KIF7: variants seen among roughly 807,000 people sequenced by gnomAD.
KIF7 encodes kinesin-like protein KIF7.
Under a neutral mutation model 135.7 loss-of-function variants are expected in KIF7, and 104 were observed. That is an observed-to-expected ratio of 0.77 (90% CI 0.65 to 0.90). The LOEUF (loss-of-function observed/expected upper bound fraction) is 0.90. KIF7 is among the 40% of genes least tolerant of loss of function. The pLI is 0.00. For synonymous variants in KIF7, 883 were observed against 809.4 expected (o/e 1.09, Z -1.54); for missense variants, 2,005 against 1,839.1 (o/e 1.09, Z -1.65).
At chr15:89,626,458 CTG>C (rs534135024), downstream of KIF7, among the ~76,000 whole-genome samples, 186 of 152,288 alleles carry the variant, frequency 1.2e-3, 1 homozygote, top group Admixed American at 9.1e-3. Context: ...ACAGTACTGA[CTG>C]TAGTTATAAT....
Position 89,628,056 on chromosome 15 carries a change from T to G in KIF7, c.*363A>C. ...AGTTTCCCCTATATACATAAGACCATTTAAACCACAACCTGGTTACCACCG... is the reference window on the plus strand; with the variant it reads ...AGTTTCCCCTATATACATAAGACCAGTTAAACCACAACCTGGTTACCACCG... On this transcript the variant is annotated 3_prime_UTR_variant, in exon 19 of 19. Coordinates refer to ENST00000394412, the MANE Select transcript of KIF7 (RefSeq NM_198525.3). 3 of 211,476 alleles carry G rather than the reference T, an allele frequency of 1.4e-5. No individual in the cohort carries two copies. Among genetic ancestry groups the G allele is most frequent in the Non-Finnish European group, 2.8e-5 (3 of 106,472 alleles). The allele number at this position is 211,476 out of a possible 1,614,324, so 13.1% of individuals were successfully genotyped here.
intron 16 of KIF7, 34 bp downstream of exon 16, chr15:89,630,250 TGAG>T: frequency 2.5e-6 from 4 of 1,598,362 alleles, no homozygotes; most frequent in African/African-American, 1.3e-5. Context: ...CACGTGCCGC[TGAG>T]GAGGAGCTGG....
intron 2 of KIF7, 31 bp from the exon 3 acceptor site, chr15:89,649,972 T>A: frequency 6.5e-7 from 1 of 1,545,242 alleles, no homozygotes; most frequent in East Asian, 2.4e-5. Flanking sequence ...CTCCTGCCAC[T>A]TCAGCTGGAC....
chr15:89,621,118 C>T (rs1243948275), intron 1 of KIF7, among the ~76,000 whole-genome samples: 1 of 151,974 alleles, frequency 6.6e-6, no homozygotes, highest in Non-Finnish European at 1.5e-5. Flanking sequence ...CTCCTGGGTT[C>T]AAGCAATTCT....
At chr15:89,625,622 G>A (rs747774382), downstream of KIF7, 4 of 1,613,310 alleles carry the variant, frequency 2.5e-6, no homozygotes, top group Middle Eastern at 3.3e-4. Flanking sequence ...TTTGGGTTGA[G>A]TTCCAGGAAG....
chr15:89,633,209 T>A lies in KIF7; in HGVS notation c.2650A>T (p.Ile884Phe), dbSNP rs755711268. The A allele has an allele frequency of 4.4e-6, 7 of 1,598,610 alleles. No individual in the cohort carries two copies. The highest frequency in any genetic ancestry group is 5.1e-6 in the Non-Finnish European group (6 of 1,175,252). The stretch of plus-strand genomic sequence containing the variant: ...CGCCTCTTCCTCTGGAATGCCGCGA[T>A]CTCTTCCGTCTTAATCTTCAGGATC... ...QKILKIKTEE[I>F]AAFQRKRRSG... Residue 884 changes from isoleucine to phenylalanine, a missense_variant, in exon 13 of 19, where the codon ATC becomes TTC. Ile to Phe is a conservative substitution (Grantham distance 21, BLOSUM62 0). Coordinates refer to ENST00000394412, the MANE Select transcript of KIF7 (RefSeq NM_198525.3).
At chr15:89,633,941 G>C in intron 11 of KIF7, 58 bp from the exon 12 acceptor site, 5 of 1,588,262 alleles carry the variant, frequency 3.1e-6, no homozygotes, top group Non-Finnish European at 4.3e-6. Context: ...GCCTGCCATA[G>C]TGCTGGGCAC....
At position 89,632,973 on chromosome 15, in the gene KIF7, C is replaced by A. The variant is rs1178907153; in HGVS notation, c.2742G>T (p.Trp914Cys). The change falls in exon 14 of 19, where the codon TGG becomes TGT. Residue 914 changes from tryptophan to cysteine, a missense_variant. Coordinates refer to ENST00000394412, the MANE Select transcript of KIF7 (RefSeq NM_198525.3). ...GCACCTTCTCCATCTCCTGGTCCAGCCACTTCTTCTGCTCCTCAATCTTCT... is the reference window on the plus strand; with the variant it reads ...GCACCTTCTCCATCTCCTGGTCCAGACACTTCTTCTGCTCCTCAATCTTCT... Reference protein sequence around the residue: ...QQQKIEEQKKWLDQEMEKVLQ... With the variant: ...QQQKIEEQKKCLDQEMEKVLQ... 2 of 1,505,296 alleles carry A rather than the reference C, an allele frequency of 1.3e-6. No individual in the cohort carries two copies. Among genetic ancestry groups the A allele is most frequent in the East Asian group, 5.0e-5 (2 of 40,368 alleles). The allele number at this position is 1,505,296 out of a possible 1,614,324, so 93.2% of individuals were successfully genotyped here.
rs886051530 is a variant in KIF7, at chr15:89,642,256, A to G, written c.2341T>C (p.Ser781Pro). ...CTCCTGCGGAACTCCTGGAGCCGAGACCGCTCGCCAGCATCCTGGAGCTCC... is the reference window on the plus strand; with the variant it reads ...CTCCTGCGGAACTCCTGGAGCCGAGGCCGCTCGCCAGCATCCTGGAGCTCC... ...GKELQDAGER[S>P]RLQEFRRRVA... Residue 781 changes from serine to proline, a missense_variant, in exon 11 of 19, where the codon TCT (serine) becomes CCT (proline). Physicochemically the swap from Ser to Pro is moderately conservative, Grantham distance 74. Coordinates refer to ENST00000394412, the MANE Select transcript of KIF7 (RefSeq NM_198525.3). The G allele has an allele frequency of 6.2e-7, 1 of 1,610,258 alleles. No individual in the cohort carries two copies. The highest frequency in any genetic ancestry group is 8.5e-7 in the Non-Finnish European group (1 of 1,179,682).
In KIF7 at chr15:89,648,626, G is replaced by C; in HGVS notation, c.1072C>G (p.Arg358Gly). ...NIRNRATVNW[R>G]PEAERPPEET... ...TCGGGTGGCCGCTCGGCCTCGGGCC[G>C]CCAGTTGACCGTGGCGCGGTTGCGG... is the stretch of plus-strand genomic sequence containing the variant. Residue 358 changes from arginine (R) to glycine (G), a missense_variant, in exon 5 of 19, where the codon CGG becomes GGG. Transcript: ENST00000394412. The C allele has an allele frequency of 6.5e-7, 1 of 1,534,888 alleles. No individual in the cohort carries two copies. The highest frequency in any genetic ancestry group is 1.4e-5 in the African/African-American group (1 of 73,034).
chr15:89,647,646 G>C lies in KIF7; in HGVS notation c.1510C>G (p.Arg504Gly). ...NQVARLEEEN[R>G]DFLAALEDAM... ...TCCTCCAGCGCAGCCAGAAAGTCTCGGTTCTCCTCCTCCAGCCGCGCCACC... is the reference window on the plus strand; with the variant it reads ...TCCTCCAGCGCAGCCAGAAAGTCTCCGTTCTCCTCCTCCAGCCGCGCCACC... The change falls in exon 6 of 19, where the codon CGA becomes GGA. Residue 504 changes from arginine (R) to glycine (G), a missense_variant. By Grantham distance (125) the Arg-to-Gly change is moderately radical. Coordinates refer to ENST00000394412, the MANE Select transcript of KIF7 (RefSeq NM_198525.3). 6.2e-7 allele frequency: 1 copy of C among 1,611,684 alleles called. No individual in the cohort carries two copies. The highest frequency in any genetic ancestry group is 1.3e-5 in the African/African-American group (1 of 75,050).
intron 10 of KIF7, among the ~76,000 whole-genome samples, chr15:89,643,967 T>G (rs999953343): frequency 2.0e-5 from 3 of 150,632 alleles, no homozygotes; most frequent in Non-Finnish European, 2.9e-5. Context: ...AAAAAAAAGT[T>G]CCTATTTTTA....
chr15:89,622,731 G>C (rs1963447189), intron 1 of KIF7, among the ~76,000 whole-genome samples: 1 of 152,134 alleles, frequency 6.6e-6, no homozygotes, highest in South Asian at 2.1e-4. Context: ...CATCAGGCTG[G>C]GTGCCATCCT....
At chr15:89,631,996 G>A (rs1963689717) in intron 14 of KIF7, among the ~76,000 whole-genome samples, 2 of 152,216 alleles carry the variant, frequency 1.3e-5, no homozygotes, top group African/African-American at 4.8e-5. Flanking sequence ...GGGGTGGGAG[G>A]AATGATCTGT....
downstream of KIF7, chr15:89,627,355 A>G: frequency 2.4e-6 from 1 of 417,484 alleles, no homozygotes; most frequent in East Asian, 4.0e-5. Context: ...CAGACAAGGA[A>G]TCCCATTCCA....
chr15:89,653,259 G>A (rs548625869), intron 1 of KIF7, among the ~76,000 whole-genome samples: 100 of 152,232 alleles, frequency 6.6e-4, no homozygotes, highest in African/African-American at 2.2e-3. Flanking sequence ...TCTCCTAGAA[G>A]AACGCACACA....
At chr15:89,624,744 G>A (rs1189070015), downstream of KIF7, 4 of 1,614,078 alleles carry the variant, frequency 2.5e-6, no homozygotes, top group African/African-American at 4.0e-5. Context: ...TTGGTGACTT[G>A]AAAAGTAACG....
chr15:89,621,242 A>T, intron 1 of KIF7: 4 of 627,216 alleles, frequency 6.4e-6, no homozygotes, highest in Non-Finnish European at 1.0e-5. Context: ...GCTGGTCTCG[A>T]ACTCCTGACC....
rs755847868 is a variant in KIF7 at position 89,629,040 on chromosome 15, G to T, written c.3600C>A (p.Tyr1200Ter). The T allele has an allele frequency of 6.2e-7, 1 of 1,613,630 alleles. No individual in the cohort carries two copies. Among genetic ancestry groups the T allele is most frequent in the East Asian group, 2.2e-5 (1 of 44,834 alleles). The change falls in exon 18 of 19, where the codon TAC becomes TAA. Residue 1200 changes from tyrosine to a stop codon, truncating the protein, a stop_gained. Coordinates refer to ENST00000394412, the MANE Select transcript of KIF7 (RefSeq NM_198525.3). LOFTEE classifies it high-confidence loss of function. ...IQALEKELGR[Y>*]MWINQELKQK... Reference sequence around the variant, plus strand: ...GTTTCAGTTCCTGGTTTATCCACATGTAACGGCCCAGTTCCTTCTCCAGAG... The same window carrying T: ...GTTTCAGTTCCTGGTTTATCCACATTTAACGGCCCAGTTCCTTCTCCAGAG...
Sources: gnomAD v4.1 joint callset for allele counts (sites outside exome capture counted in the v4.1 genomes callset) on GRCh38, gnomAD v4.1.1 for gene constraint, MANE v1.5 for transcripts, NCBI Gene and HGNC (gene_info 2026-07-23, HGNC 2026-07-21) for gene names.